SLC35F1: variants seen among roughly 807,000 people sequenced by gnomAD.
SLC35F1 encodes chromosome 6 open reading frame 169.
Under a neutral mutation model 48.7 loss-of-function variants are expected in SLC35F1, and 14 were observed. The ratio of observed to expected loss-of-function variants is 0.29; its 90% confidence interval spans 0.19 to 0.45. SLC35F1 has a LOEUF of 0.45. Among genes scored for constraint, SLC35F1 ranks in the 20% least tolerant of loss-of-function variants. The pLI, the probability that SLC35F1 is intolerant of heterozygous loss-of-function variation, is 1.00. For synonymous variants in SLC35F1, 190 were observed against 202.2 expected (o/e 0.94, Z 0.51); for missense variants, 404 against 500.0 (o/e 0.81, Z 1.83).
chr6:118,229,414 C>A (rs943191680), intron 2 of SLC35F1, among the ~76,000 whole-genome samples: 3 of 152,130 alleles, frequency 2.0e-5, no homozygotes, highest in Non-Finnish European at 4.4e-5. Context: ...GAGCACCATG[C>A]ATATACTAGC....
chr6:118,101,732 G>A (rs1379953113), intron 1 of SLC35F1, among the ~76,000 whole-genome samples: 6 of 152,176 alleles, frequency 3.9e-5, no homozygotes, highest in Non-Finnish European at 7.3e-5. Flanking sequence ...ATAAATAAAG[G>A]GGTGGGCTCG....
chr6:118,041,527 TG>T (rs1396306852), intron 1 of SLC35F1, among the ~76,000 whole-genome samples: 2 of 151,898 alleles, frequency 1.3e-5, no homozygotes, highest in Non-Finnish European at 2.9e-5. Flanking sequence ...AGTGGTGGGA[TG>T]GGGGTGGGGA....
intron 1 of SLC35F1, among the ~76,000 whole-genome samples, chr6:117,933,449 A>G (rs376291381): frequency 1.3e-5 from 2 of 152,340 alleles, no homozygotes; most frequent in African/African-American, 4.8e-5. Flanking sequence ...CTGAGTAAAC[A>G]TAGATTTCTT....
At chr6:118,082,242 A>G (rs1772922235) in intron 1 of SLC35F1, among the ~76,000 whole-genome samples, 1 of 152,224 alleles carries the variant, frequency 6.6e-6, no homozygotes, top group African/African-American at 2.4e-5. Context: ...GTCCCAGGTG[A>G]AACACTGATC....
At chr6:118,046,154 CAA>C (rs1297916170) in intron 1 of SLC35F1, among the ~76,000 whole-genome samples, 2 of 152,156 alleles carry the variant, frequency 1.3e-5, no homozygotes, top group Non-Finnish European at 2.9e-5. Flanking sequence ...GCTTTGTAGG[CAA>C]AGTCTTACAT....
At chr6:118,014,679 G>A (rs925889234) in intron 1 of SLC35F1, among the ~76,000 whole-genome samples, 1 of 152,104 alleles carries the variant, frequency 6.6e-6, no homozygotes, top group African/African-American at 2.4e-5. Context: ...GAAAGCCAAA[G>A]GAGAGAAATG....
At chr6:118,228,315 T>TACTAAA (rs1554238227) in intron 2 of SLC35F1, among the ~76,000 whole-genome samples, 1 of 151,882 alleles carries the variant, frequency 6.6e-6, no homozygotes, top group Non-Finnish European at 1.5e-5. Flanking sequence ...CTAAATGGAA[T>TACTAAA]AGTTTTAAAC....
At chr6:118,177,759 T>C in intron 2 of SLC35F1, among the ~76,000 whole-genome samples, 1 of 152,104 alleles carries the variant, frequency 6.6e-6, no homozygotes, top group South Asian at 2.1e-4. Flanking sequence ...CTACATCGTT[T>C]TTGTTTTTTT....
intron 1 of SLC35F1, among the ~76,000 whole-genome samples, chr6:118,003,774 A>C (rs1381133836): frequency 1.3e-5 from 2 of 152,188 alleles, no homozygotes; most frequent in Admixed American, 1.3e-4. Context: ...AGCACTCAAA[A>C]TTATATAAAG....
chr6:117,935,306 C>G (rs141245328), intron 1 of SLC35F1, among the ~76,000 whole-genome samples: 2 of 152,106 alleles, frequency 1.3e-5, no homozygotes, highest in South Asian at 2.1e-4. Context: ...TGAAGTTATG[C>G]TCTATAAAGT....
intron 2 of SLC35F1, among the ~76,000 whole-genome samples, chr6:118,214,135 A>G (rs1008868661): frequency 4.6e-5 from 7 of 152,156 alleles, no homozygotes; most frequent in African/African-American, 1.2e-4. Context: ...CAGCAAATAT[A>G]TATTACTTGT....
intron 1 of SLC35F1, among the ~76,000 whole-genome samples, chr6:118,084,023 C>G (rs1228120626): frequency 6.6e-6 from 1 of 152,158 alleles, no homozygotes; most frequent in Non-Finnish European, 1.5e-5. Context: ...TTGTTTAATT[C>G]TCATAACAGC....
At chr6:118,240,569 G>A (rs1226931535) in intron 3 of SLC35F1, among the ~76,000 whole-genome samples, 1 of 152,230 alleles carries the variant, frequency 6.6e-6, no homozygotes, top group Non-Finnish European at 1.5e-5. Context: ...TTCCAGTCAA[G>A]TGGGAAAGGC....
chr6:118,169,718 T>C (rs1480459876), intron 2 of SLC35F1, among the ~76,000 whole-genome samples: 1 of 152,102 alleles, frequency 6.6e-6, no homozygotes, highest in African/African-American at 2.4e-5. Context: ...TGGATGACCA[T>C]GTAAACCTTT....
intron 6 of SLC35F1, among the ~76,000 whole-genome samples, chr6:118,280,001 G>A (rs1279758070): frequency 6.6e-6 from 1 of 152,112 alleles, no homozygotes; most frequent in African/African-American, 2.4e-5. Context: ...TGGGATACAT[G>A]TTTTCTATTT....
At chr6:118,226,275 A>G (rs1399342026) in intron 2 of SLC35F1, among the ~76,000 whole-genome samples, 2 of 152,242 alleles carry the variant, frequency 1.3e-5, no homozygotes, top group Admixed American at 6.5e-5. Flanking sequence ...GTGAATTAGA[A>G]TAGCCATACT....
chr6:118,164,889 T>C (rs1239030437), intron 2 of SLC35F1, among the ~76,000 whole-genome samples: 2 of 152,182 alleles, frequency 1.3e-5, no homozygotes, highest in African/African-American at 2.4e-5. Context: ...ACCACTTCAG[T>C]GGCCACTGTG....
chr6:118,268,013 C>T (rs79635764), intron 4 of SLC35F1, among the ~76,000 whole-genome samples: 2,078 of 152,246 alleles, frequency 0.014, 55 homozygotes, highest in African/African-American at 0.047. Flanking sequence ...GCCCCTTCTT[C>T]TAGGAAATTA....
intron 1 of SLC35F1, among the ~76,000 whole-genome samples, chr6:118,013,046 G>A (rs995165989): frequency 1.3e-5 from 2 of 152,058 alleles, no homozygotes; most frequent in African/African-American, 4.8e-5. Context: ...AATATTAATA[G>A]CATCACTGGG....
Sources: gnomAD v4.1 joint callset for allele counts (sites outside exome capture counted in the v4.1 genomes callset) on GRCh38, gnomAD v4.1.1 for gene constraint, MANE v1.5 for transcripts, NCBI Gene and HGNC (gene_info 2026-07-23, HGNC 2026-07-21) for gene names.